Variants in TMEM131L observed in about 807,000 individuals in gnomAD.
The protein encoded by TMEM131L is transmembrane protein 131-like.
TMEM131L carries 54 observed loss-of-function variants against 192.2 expected under a neutral mutation model. That is an observed-to-expected ratio of 0.28 (90% confidence interval 0.23 to 0.35). TMEM131L has a LOEUF of 0.35. Ranked by LOEUF, TMEM131L falls within the 10% of genes least tolerant of loss-of-function variation. The pLI is 1.00. For synonymous variants in TMEM131L, 701 were observed against 704.9 expected, an observed-to-expected ratio of 0.99 and a Z score of 0.09; for missense variants, 1,888 against 1,972.9, an observed-to-expected ratio of 0.96 and a Z score of 0.82.
At chr4:153,467,980 T>C (rs1212356825) in intron 2 of TMEM131L, among the ~76,000 whole-genome samples, 1 of 152,226 alleles carries the variant, frequency 6.6e-6, no homozygotes, top group Admixed American at 6.5e-5. Context: ...TGTTGTTGAC[T>C]GCCTTTCACC....
At chr4:153,610,606 T>A (rs1169323972) in intron 25 of TMEM131L, among the ~76,000 whole-genome samples, 2 of 152,210 alleles carry the variant, frequency 1.3e-5, no homozygotes, top group Non-Finnish European at 2.9e-5. Flanking sequence ...TACATAATAT[T>A]TATATAATTT....
rs1175472633 is a variant in TMEM131L, at chr4:153,583,267, C to G, written c.951+19C>G. The stretch of plus-strand genomic sequence containing the variant: ...GATACAGGTAATTGTAAATGCTTAC[C>G]TAAAGTAACTTTTAAAATTGCAAGT... On this transcript the variant is annotated intron_variant, in intron 10 of 34. Coordinates refer to ENST00000409959, the MANE Select transcript of TMEM131L (RefSeq NM_001131007.2). 8.1e-7 allele frequency: 1 copy of G among 1,237,708 alleles called. No homozygotes were observed. The highest frequency in any genetic ancestry group is 1.8e-5 in the Admixed American group (1 of 57,104). The allele number at this position is 1,237,708 out of a possible 1,614,324, so 76.7% of individuals were successfully genotyped here. A position where few individuals can be genotyped will look rare whatever the true frequency, so the allele number is the denominator to read the frequency against.
intron 16 of TMEM131L, among the ~76,000 whole-genome samples, chr4:153,590,163 CTTG>C (rs990364058): frequency 6.6e-6 from 1 of 152,114 alleles, no homozygotes; most frequent in African/African-American, 2.4e-5. Context: ...ATTTGGTTGT[CTTG>C]TTTTCTTAGT....
At chr4:153,599,706 T>A (rs905498512) in intron 21 of TMEM131L, among the ~76,000 whole-genome samples, 1 of 152,216 alleles carries the variant, frequency 6.6e-6, no homozygotes, top group Non-Finnish European at 1.5e-5. Flanking sequence ...TTTGTGATGA[T>A]GAAAATATTC....
Position 153,620,687 on chromosome 4 carries a change from T to G in TMEM131L, c.3568-69T>G, listed in dbSNP as rs994678017. 4.5e-5 allele frequency: 47 copies of G among 1,040,374 alleles called. No individual in the cohort carries two copies. The African/African-American group carries it at 4.5e-4, about 10-fold the overall frequency. 64.4% of individuals were successfully genotyped at this position (1,040,374 alleles called of 1,614,324 possible). ...TTCTGAATTCAGATGGAGTTGGTCT[T>G]CAAACATTTAAACATGTTTTTATTC... On this transcript the variant is annotated intron_variant, in intron 26 of 34. Coordinates refer to ENST00000409959, the MANE Select transcript of TMEM131L (RefSeq NM_001131007.2).
At chr4:153,597,125 TAA>T (rs897398050) in intron 20 of TMEM131L, among the ~76,000 whole-genome samples, 7 of 152,126 alleles carry the variant, frequency 4.6e-5, no homozygotes, top group East Asian at 1.9e-4. Flanking sequence ...CTTTAATATA[TAA>T]GTTTGTTCTT....
Position 153,493,690 on chromosome 4 carries a change from G to A in TMEM131L, c.239+19802G>A, listed in dbSNP as rs142687179. 2.1e-3 allele frequency among the ~76,000 whole-genome samples: 320 copies of A among 152,140 alleles called. 6 individuals carry two copies. The East Asian group carries it at 0.023, about 11-fold the overall frequency. ...GAAAAAAAACGCTTGGAGCCAGACC[G>A]TCTGGGTTTGAATCTGATGTCATAC... On this transcript the variant is annotated intron_variant, in intron 3 of 34. Coordinates refer to ENST00000409959, the MANE Select transcript of TMEM131L (RefSeq NM_001131007.2).
chr4:153,532,253 A>G (rs984169824), intron 3 of TMEM131L, among the ~76,000 whole-genome samples: 4 of 152,216 alleles, frequency 2.6e-5, no homozygotes, highest in Non-Finnish European at 5.9e-5. Context: ...GCATCTGCAT[A>G]TGGCATTTTC....
intron 3 of TMEM131L, among the ~76,000 whole-genome samples, chr4:153,545,326 C>T (rs1737092344): frequency 7.2e-6 from 1 of 137,988 alleles, no homozygotes; most frequent in Non-Finnish European, 1.5e-5. Flanking sequence ...CTCGCTCTGT[C>T]GCCCAGGCTG....
intron 8 of TMEM131L, 32 bp downstream of exon 8, chr4:153,580,935 C>A: frequency 7.1e-7 from 1 of 1,404,838 alleles, no homozygotes; most frequent in Non-Finnish European, 1.0e-6. Flanking sequence ...TTTCTCTCTG[C>A]TTTCCTCCTG....
chr4:153,550,390 G>C (rs918495830), intron 4 of TMEM131L, among the ~76,000 whole-genome samples: 5 of 152,058 alleles, frequency 3.3e-5, no homozygotes, highest in Non-Finnish European at 7.4e-5. Context: ...GCAGTGGCGT[G>C]ATCTCTGCTC....
At chr4:153,479,354 G>A (rs1301172733) in intron 3 of TMEM131L, among the ~76,000 whole-genome samples, 2 of 152,058 alleles carry the variant, frequency 1.3e-5, no homozygotes, top group Non-Finnish European at 2.9e-5. Flanking sequence ...TTTTTCCCTG[G>A]GTATTCTCAA....
intron 11 of TMEM131L, 120 bp from the exon 12 acceptor site, chr4:153,584,715 A>G (rs916807611): frequency 5.2e-6 from 3 of 575,720 alleles, no homozygotes; most frequent in East Asian, 3.0e-5. Flanking sequence ...TGTCTGATTC[A>G]CTATTTTAAT....
At chr4:153,616,784 T>C (rs976837561) in intron 26 of TMEM131L, among the ~76,000 whole-genome samples, 2 of 152,240 alleles carry the variant, frequency 1.3e-5, no homozygotes, top group Admixed American at 1.3e-4. Flanking sequence ...AGATTATAAC[T>C]AAATTTTCTA....
At chr4:153,495,076 G>A (rs992460181) in intron 3 of TMEM131L, among the ~76,000 whole-genome samples, 1 of 152,204 alleles carries the variant, frequency 6.6e-6, no homozygotes, top group Admixed American at 6.5e-5. Context: ...AGCACATTGG[G>A]AGGCCGAGGC....
At chr4:153,497,412 A>C (rs1469131977) in intron 3 of TMEM131L, among the ~76,000 whole-genome samples, 3 of 152,034 alleles carry the variant, frequency 2.0e-5, no homozygotes, top group South Asian at 2.1e-4. Flanking sequence ...ATGCTGCTTG[A>C]AGCTGAAAAC....
At chr4:153,600,358 C>A (rs1167521697) in intron 21 of TMEM131L, among the ~76,000 whole-genome samples, 3 of 143,062 alleles carry the variant, frequency 2.1e-5, no homozygotes, top group South Asian at 2.2e-4. Context: ...CAGAGTGAGA[C>A]CCTGTCTCAG....
Position 153,598,695 on chromosome 4 carries a change from T to C in TMEM131L, c.2229T>C (p.Phe743=). ...RLPGAGGSLR[F]KVPESTLMDC... Reference sequence around the variant, plus strand: ...CTGGTGCAGGAGGCTCACTCCGATTTAAGGTGCCCGAGTCCACGCTGATGG... The same window carrying C: ...CTGGTGCAGGAGGCTCACTCCGATTCAAGGTGCCCGAGTCCACGCTGATGG... The change falls in exon 21 of 35, where the codon TTT becomes TTC. Residue 743 remains phenylalanine (F), a synonymous_variant. Coordinates refer to ENST00000409959, the MANE Select transcript of TMEM131L (RefSeq NM_001131007.2). 6.2e-7 allele frequency: 1 copy of C among 1,613,954 alleles called. No individual in the cohort carries two copies. Among genetic ancestry groups the C allele is most frequent in the Non-Finnish European group, 8.5e-7 (1 of 1,179,916 alleles).
intron 3 of TMEM131L, among the ~76,000 whole-genome samples, chr4:153,547,009 AC>A (rs1289996282): frequency 1.3e-5 from 2 of 152,244 alleles, no homozygotes; most frequent in African/African-American, 4.8e-5. Flanking sequence ...AAATAGTTTT[AC>A]CTGCAAGCGC....
Sources: gnomAD v4.1 joint callset for allele counts (sites outside exome capture counted in the v4.1 genomes callset) on GRCh38, gnomAD v4.1.1 for gene constraint, MANE v1.5 for transcripts, NCBI Gene and HGNC (gene_info 2026-07-23, HGNC 2026-07-21) for gene names.